The following NFIB variants were observed in gnomAD, a reference collection of about 807,000 sequenced individuals.
NFIB encodes the protein nuclear factor 1 B-type.
In NFIB, 11 loss-of-function variants were observed where a neutral mutation model predicts 61.5. That is an observed-to-expected ratio of 0.18 (90% CI 0.11 to 0.30). The LOEUF is 0.30. Among genes scored for constraint, NFIB ranks in the 10% least tolerant of loss-of-function variants. NFIB has a pLI of 1.00. For missense variants in NFIB, 471 were observed against 608.9 expected (o/e 0.77, Z 2.38); for synonymous variants, 260 against 216.5 (o/e 1.20, Z -1.76).
chr9:14,135,468 A>G (rs1395133306), intron 6 of NFIB, among the ~76,000 whole-genome samples: 1 of 152,208 alleles, frequency 6.6e-6, no homozygotes. Flanking sequence ...AGAATATCTA[A>G]ATATCTGTGT....
intron 1 of NFIB, among the ~76,000 whole-genome samples, chr9:14,321,704 G>C (rs999154236): frequency 6.6e-6 from 1 of 152,192 alleles, no homozygotes; most frequent in Non-Finnish European, 1.5e-5. Context: ...CGTCATAAGA[G>C]TGTGTCACAT....
the NFIB span, among the ~76,000 whole-genome samples, chr9:14,407,043 C>G: frequency 6.6e-6 from 1 of 152,156 alleles, no homozygotes; most frequent in Non-Finnish European, 1.5e-5. Context: ...TTTTCCAAGC[C>G]TCATTCTGTG....
intron 10 of NFIB, among the ~76,000 whole-genome samples, chr9:14,102,962 A>AT: frequency 6.6e-6 from 1 of 152,226 alleles, no homozygotes; most frequent in Non-Finnish European, 1.5e-5. Flanking sequence ...AGTTTAGAGG[A>AT]GAAAAGGCCC....
intron 2 of NFIB, among the ~76,000 whole-genome samples, chr9:14,282,126 T>C (rs1359153006): frequency 6.6e-6 from 1 of 152,166 alleles, no homozygotes; most frequent in East Asian, 1.9e-4. Context: ...CTATATAAAT[T>C]GGATTTAAGT....
intron 2 of NFIB, among the ~76,000 whole-genome samples, chr9:14,292,623 T>C (rs1301892695): frequency 2.6e-5 from 4 of 152,008 alleles, no homozygotes; most frequent in South Asian, 4.2e-4. Flanking sequence ...AGAAACTGAG[T>C]TACTGAGAGG....
At chr9:14,343,243 G>T (rs2060973825) in intron 1 of NFIB, among the ~76,000 whole-genome samples, 1 of 152,184 alleles carries the variant, frequency 6.6e-6, no homozygotes, top group African/African-American at 2.4e-5. Context: ...AAGTAACCAT[G>T]CTATACTTCT....
At chr9:14,228,164 T>C (rs1361084627) in intron 2 of NFIB, among the ~76,000 whole-genome samples, 3 of 151,532 alleles carry the variant, frequency 2.0e-5, no homozygotes, top group African/African-American at 4.8e-5. Flanking sequence ...GCATCAAAGA[T>C]ATTAGATTAT....
the NFIB span, among the ~76,000 whole-genome samples, chr9:14,457,148 C>A: frequency 6.6e-6 from 1 of 151,896 alleles, no homozygotes; most frequent in African/African-American, 2.4e-5. Context: ...TGAACATACA[C>A]GTAAGTACAG....
At chr9:14,250,465 A>G (rs770148005) in intron 2 of NFIB, among the ~76,000 whole-genome samples, 4 of 152,222 alleles carry the variant, frequency 2.6e-5, no homozygotes, top group African/African-American at 4.8e-5. Flanking sequence ...AGCTTTTGCC[A>G]TTAAAACTTT....
intron 3 of NFIB, among the ~76,000 whole-genome samples, chr9:14,166,831 A>G (rs111533049): frequency 0.013 from 1,923 of 152,226 alleles, 37 homozygotes; most frequent in African/African-American, 0.042. Context: ...TACTCCTCCG[A>G]TGCAATTTTA....
At chr9:14,203,901 T>G (rs1204401601) in intron 2 of NFIB, among the ~76,000 whole-genome samples, 1 of 152,132 alleles carries the variant, frequency 6.6e-6, no homozygotes, top group Admixed American at 6.5e-5. Flanking sequence ...TATTTTCTGC[T>G]GATTAAAGAA....
intron 10 of NFIB, 95 bp downstream of exon 10, chr9:14,112,904 G>T: frequency 8.7e-7 from 1 of 1,154,868 alleles, no homozygotes; most frequent in Non-Finnish European, 1.2e-6. Flanking sequence ...GAAGCCCCGG[G>T]AGCCCCCTTC....
chr9:14,415,114 T>G, the NFIB span, among the ~76,000 whole-genome samples: 1 of 152,162 alleles, frequency 6.6e-6, no homozygotes, highest in African/African-American at 2.4e-5. Context: ...GCAGGCCTGA[T>G]TGGGGAAGAA....
intron 6 of NFIB, among the ~76,000 whole-genome samples, chr9:14,126,051 G>C (rs138676819): frequency 5.9e-5 from 9 of 152,130 alleles, no homozygotes; most frequent in African/African-American, 1.7e-4. Flanking sequence ...GTTTCCTTTA[G>C]CCCCTTGGTT....
At chr9:14,374,572 C>G (rs185840129) in intron 1 of NFIB, among the ~76,000 whole-genome samples, 1 of 152,102 alleles carries the variant, frequency 6.6e-6, no homozygotes, top group East Asian at 1.9e-4. Context: ...AGTCTCAGCT[C>G]AGGAGTTGCT....
chr9:14,222,584 G>C (rs2051810842), intron 2 of NFIB, among the ~76,000 whole-genome samples: 1 of 152,040 alleles, frequency 6.6e-6, no homozygotes, highest in Admixed American at 6.6e-5. Context: ...GGGAGGCTCA[G>C]TTGAGCCTAG....
At chr9:14,458,424 A>G in the NFIB span, among the ~76,000 whole-genome samples, 1 of 152,222 alleles carries the variant, frequency 6.6e-6, no homozygotes, top group East Asian at 1.9e-4. Context: ...TGAATGGGCA[A>G]TATCTGGAAG....
At chr9:14,397,058 T>C (rs963296100) in intron 1 of NFIB, among the ~76,000 whole-genome samples, 3 of 152,196 alleles carry the variant, frequency 2.0e-5, no homozygotes, top group Admixed American at 1.3e-4. Flanking sequence ...GGAGTTGAAA[T>C]TGATTTCTTT....
chr9:14,316,895 A>C (rs934106745), upstream of NFIB, among the ~76,000 whole-genome samples: 1 of 152,204 alleles, frequency 6.6e-6, no homozygotes, highest in Non-Finnish European at 1.5e-5. Flanking sequence ...CTTGGCAGGA[A>C]TGCACTAATA....
Sources: allele counts gnomAD v4.1 joint callset (sites outside exome capture counted in the v4.1 genomes callset), GRCh38; gene constraint gnomAD v4.1.1; transcripts MANE v1.5; gene names NCBI Gene and HGNC (gene_info 2026-07-23, HGNC 2026-07-21).